The following NFYA variants were observed in gnomAD, a reference collection of about 807,000 sequenced individuals.
The protein encoded by NFYA is CAAT-box DNA binding protein subunit A.
In NFYA, 28 loss-of-function variants were observed where a neutral mutation model predicts 52.8. The ratio of observed to expected loss-of-function variants is 0.53; its 90% confidence interval spans 0.39 to 0.73. NFYA has a LOEUF of 0.73. Among genes scored for constraint, NFYA ranks in the 30% least tolerant of loss-of-function variants. NFYA has a pLI of 0.00. For synonymous variants in NFYA, 150 were observed against 150.7 expected (o/e 1.00, Z 0.03); for missense variants, 234 against 427.0 (o/e 0.55, Z 3.98).
chr6:41,073,878 G>A (rs1375491932), intron 1 of NFYA, among the ~76,000 whole-genome samples: 1 of 151,716 alleles, frequency 6.6e-6, no homozygotes, highest in Non-Finnish European at 1.5e-5. Context: ...CGCCCCGTTC[G>A]CAGTGGCAGG....
At chr6:41,089,433 C>T in intron 4 of NFYA, 146 bp from the exon 5 acceptor site, 1 of 753,778 alleles carries the variant, frequency 1.3e-6, no homozygotes. Flanking sequence ...TAAGTTGTGT[C>T]TACTTCATAA....
At chr6:41,093,574 G>A (rs1242176072) in intron 8 of NFYA, among the ~76,000 whole-genome samples, 1 of 151,858 alleles carries the variant, frequency 6.6e-6, no homozygotes, top group African/African-American at 2.4e-5. Flanking sequence ...ATGTTCAAGT[G>A]ATTCTCCTGC....
At position 41,094,397 on chromosome 6, in the gene NFYA, A is replaced by C; in HGVS notation, c.890A>C (p.Lys297Thr). Residue 297 changes from lysine (K) to threonine (T), a missense_variant and splice_region_variant, in exon 9 of 10, where the codon AAA (lysine) becomes ACA (threonine). Coordinates refer to ENST00000341376, the MANE Select transcript of NFYA (RefSeq NM_002505.5). Reference sequence around the variant, plus strand: ...AAATGGTTTTATTTCTCGTTTTAGAAATACCTGCATGAGTCTCGGCACCGT... The same window carrying C: ...AAATGGTTTTATTTCTCGTTTTAGACATACCTGCATGAGTCTCGGCACCGT... ...AEGKIPKERR[K>T]YLHESRHRHA... 2.5e-6 allele frequency: 4 copies of C among 1,613,990 alleles called. No individual in the cohort carries two copies. The highest frequency in any genetic ancestry group is 3.4e-6 in the Non-Finnish European group (4 of 1,179,848).
intron 1 of NFYA, among the ~76,000 whole-genome samples, chr6:41,074,587 AT>A (rs1209248970): frequency 2.6e-5 from 4 of 152,230 alleles, no homozygotes; most frequent in Non-Finnish European, 4.4e-5. Flanking sequence ...GAAGAAAAGC[AT>A]GTGCAGAGGA....
intron 4 of NFYA, among the ~76,000 whole-genome samples, chr6:41,087,581 G>A (rs2113807303): frequency 6.6e-6 from 1 of 152,268 alleles, no homozygotes; most frequent in East Asian, 1.9e-4. Context: ...TGGAATTAAT[G>A]GTCAAAGAAG....
chr6:41,080,367 G>T (rs949858362), intron 2 of NFYA, among the ~76,000 whole-genome samples: 1 of 151,978 alleles, frequency 6.6e-6, no homozygotes, highest in Non-Finnish European at 1.5e-5. Flanking sequence ...AGATGATTTC[G>T]GTTCATAGTG....
Position 41,094,401 on chromosome 6 carries a change from C to T in NFYA, c.894C>T (p.Tyr298=), listed in dbSNP as rs562094642. The T allele has an allele frequency of 3.7e-6, 6 of 1,613,932 alleles. No homozygotes were observed. In the African/African-American group the frequency reaches 8.0e-5, roughly 22 times the overall value. Residue 298 remains tyrosine (Y), a synonymous_variant, in exon 9 of 10, where the codon TAC becomes TAT. Coordinates refer to ENST00000341376, the MANE Select transcript of NFYA (RefSeq NM_002505.5). ...GGTTTTATTTCTCGTTTTAGAAATA[C>T]CTGCATGAGTCTCGGCACCGTCATG... The part of the protein sequence containing the change: ...EGKIPKERRK[Y]LHESRHRHAM...
rs12189634 is a variant in NFYA, at chr6:41,100,684, G to T, written c.*3274G>T. ...CTTACCAAATTCAGAGATGACCCAA[G>T]ATTCTACTCTGTGGTATGAGGGAAA... On this transcript the variant is annotated 3_prime_UTR_variant, in exon 10 of 10. Transcript: ENST00000341376. 0.12 allele frequency among the ~76,000 whole-genome samples: 17,561 copies of T among 152,238 alleles called. 2,618 individuals are homozygous for T. The highest frequency in any genetic ancestry group is 0.35 in the African/African-American group (14,414 of 41,498).
Position 41,097,440 on chromosome 6 carries a change from G to A in NFYA, c.*30G>A. 6.2e-7 allele frequency: 1 copy of A among 1,609,754 alleles called. No homozygotes were observed. The highest frequency in any genetic ancestry group is 8.5e-7 in the Non-Finnish European group (1 of 1,176,602). On this transcript the variant is annotated 3_prime_UTR_variant, in exon 10 of 10. Coordinates refer to ENST00000341376, the MANE Select transcript of NFYA (RefSeq NM_002505.5). ...ACGCCATGTGATGGAGCTGATCAAG[G>A]TCATGTTTCTCACTGTTCCAGGAAA...
At chr6:41,077,671 A>G (rs1763778790) in intron 1 of NFYA, among the ~76,000 whole-genome samples, 2 of 152,298 alleles carry the variant, frequency 1.3e-5, no homozygotes, top group African/African-American at 4.8e-5. Flanking sequence ...TTAGTCAACC[A>G]ATTCCAAAGA....
rs1582022504 is a variant in NFYA, at chr6:41,079,247, G to A, written c.75+83G>A. 2.3e-6 allele frequency: 3 copies of A among 1,284,806 alleles called. No homozygotes were observed. The East Asian group carries it at 6.9e-5, about 30-fold the overall frequency. The allele number at this position is 1,284,806 out of a possible 1,614,324, so 79.6% of individuals were successfully genotyped here. On this transcript the variant is annotated intron_variant, in intron 2 of 9. Coordinates refer to ENST00000341376, the MANE Select transcript of NFYA (RefSeq NM_002505.5). ...CAATTGGTTGGTCTATTGCCCTGGG[G>A]AATTATTTGAAAGATACCAGATCTT...
rs1270639913 is a variant in NFYA at position 41,099,715 on chromosome 6, G to A, written c.*2305G>A. ...TAATGCCTAGTTATGCAACTTGAGT[G>A]CTTTTTTTTTTTTTTGCAGGATAAT... On this transcript the variant is annotated 3_prime_UTR_variant, in exon 10 of 10. Transcript: ENST00000341376. The A allele has an allele frequency of 6.9e-6, 1 of 144,066 alleles. No homozygotes were observed. Among genetic ancestry groups the A allele is most frequent in the Non-Finnish European group, 1.5e-5 (1 of 65,758 alleles). The allele number at this position is 144,066 out of a possible 1,614,324, so 8.9% of individuals were successfully genotyped here.
At chr6:41,093,879 C>T (rs1764270960) in intron 8 of NFYA, among the ~76,000 whole-genome samples, 1 of 152,172 alleles carries the variant, frequency 6.6e-6, no homozygotes, top group African/African-American at 2.4e-5. Context: ...GAAAGTCCAG[C>T]CTGGTGTGGT....
At position 41,092,320 on chromosome 6, in the gene NFYA, A is replaced by T. The variant is rs543129469; in HGVS notation, c.715-592A>T. ...TCCAGGAGGATGGCTTAAGTCCAGG[A>T]GTTTGAGCTCAGCCTGGGCAATGTA... On this transcript the variant is annotated intron_variant, in intron 7 of 9. Transcript: ENST00000341376. Among the ~76,000 whole-genome samples, 9 of 152,334 alleles carry T rather than the reference A, an allele frequency of 5.9e-5. No homozygotes were observed. In the South Asian group the frequency reaches 1.7e-3, roughly 28 times the overall value.
intron 4 of NFYA, among the ~76,000 whole-genome samples, chr6:41,087,657 T>A (rs940599993): frequency 6.6e-6 from 1 of 152,214 alleles, no homozygotes; most frequent in Non-Finnish European, 1.5e-5. Flanking sequence ...TATTCTTGAA[T>A]ATAAAATACA....
chr6:41,083,088 A>C (rs1233664060), intron 3 of NFYA, among the ~76,000 whole-genome samples: 1 of 152,254 alleles, frequency 6.6e-6, no homozygotes, highest in Admixed American at 6.5e-5. Context: ...ATTTCTGTCA[A>C]AGATAGAGTC....
At position 41,093,025 on chromosome 6, in the gene NFYA, T is replaced by C; in HGVS notation, c.828T>C (p.Leu276=). The C allele has an allele frequency of 6.2e-7, 1 of 1,614,122 alleles. No homozygotes were observed. Among genetic ancestry groups the C allele is most frequent in the Non-Finnish European group, 8.5e-7 (1 of 1,180,026 alleles). ...YVNAKQYHRI[L]KRRQARAKLE... ...ATGCCAAACAATACCACCGTATTCTTAAGAGGAGGCAAGCCCGAGCTAAAC... is the reference window on the plus strand; with the variant it reads ...ATGCCAAACAATACCACCGTATTCTCAAGAGGAGGCAAGCCCGAGCTAAAC... Residue 276 remains leucine (L), a synonymous_variant, in exon 8 of 10, where the codon CTT becomes CTC. Coordinates refer to ENST00000341376, the MANE Select transcript of NFYA (RefSeq NM_002505.5).
intron 9 of NFYA, among the ~76,000 whole-genome samples, chr6:41,095,310 G>C (rs1764317478): frequency 6.6e-6 from 1 of 152,108 alleles, no homozygotes; most frequent in South Asian, 2.1e-4. Context: ...ACTGTTCATT[G>C]GTCTACTTCC....
intron 9 of NFYA, 28 bp downstream of exon 9, chr6:41,094,525 C>G (rs1295388757): frequency 6.4e-7 from 1 of 1,562,448 alleles, no homozygotes; most frequent in Non-Finnish European, 8.8e-7. Flanking sequence ...TTTTATTCTT[C>G]TCTTTATTAC....
Sources: gnomAD v4.1 joint callset for allele counts (sites outside exome capture counted in the v4.1 genomes callset) on GRCh38, gnomAD v4.1.1 for gene constraint, MANE v1.5 for transcripts, NCBI Gene and HGNC (gene_info 2026-07-23, HGNC 2026-07-21) for gene names.